The following UPF2 variants were observed in gnomAD, a reference collection of about 807,000 sequenced individuals.
UPF2 encodes the protein regulator of nonsense transcripts 2.
In UPF2, 17 loss-of-function variants were observed where a neutral mutation model predicts 141.4. The ratio of observed to expected loss-of-function variants is 0.12; its 90% CI spans 0.08 to 0.18. The LOEUF (loss-of-function observed/expected upper bound fraction) is 0.18. Ranked by LOEUF, UPF2 falls within the 10% of genes least tolerant of loss-of-function variation. The probability of loss-of-function intolerance (pLI) is 1.00; values close to 1 mark genes in which losing one functional copy is unlikely to be tolerated. For synonymous variants in UPF2, 540 were observed against 498.0 expected (o/e 1.08, Z -1.12); for missense variants, 1,152 against 1,515.9 (o/e 0.76, Z 3.99).
At chr10:11,967,283 T>C in intron 10 of UPF2, 58 bp downstream of exon 10, 1 of 1,007,982 alleles carries the variant, frequency 9.9e-7, no homozygotes, top group Non-Finnish European at 1.4e-6. Context: ...TTATCCACCA[T>C]TTATAATTAA....
rs1039341113 is a variant in UPF2 at position 12,016,163 on chromosome 10, T to A, written c.1146-1979A>T. On this transcript the variant is annotated intron_variant, in intron 3 of 21. Transcript: ENST00000357604. The surrounding 1 kb of genome is among the most constrained non-coding windows in gnomAD (Gnocchi z 4.1). ...AGCACTCTGAGCTTGTTAAAACTTT[T>A]AATCAGAAGTTCTAATAGAACTCAT... 1.3e-5 allele frequency among the ~76,000 whole-genome samples: 2 copies of A among 152,158 alleles called. No individual in the cohort carries two copies. The highest frequency in any genetic ancestry group is 2.9e-5 in the Non-Finnish European group (2 of 68,022).
intron 8 of UPF2, among the ~76,000 whole-genome samples, chr10:11,989,887 C>T (rs1348561492): frequency 1.3e-5 from 2 of 152,090 alleles, no homozygotes; most frequent in African/African-American, 4.8e-5. Flanking sequence ...CTAGGGAGCC[C>T]ACCAAACCCA....
At chr10:12,035,536 G>A in intron 1 of UPF2, 95 bp from the exon 2 acceptor site, 1 of 1,323,234 alleles carries the variant, frequency 7.6e-7, no homozygotes, top group Non-Finnish European at 9.9e-7. Context: ...AATGCAACTT[G>A]GCAATTGTAA....
At chr10:12,023,913 G>A (rs2131299930) in intron 3 of UPF2, among the ~76,000 whole-genome samples, 1 of 148,946 alleles carries the variant, frequency 6.7e-6, no homozygotes, top group Admixed American at 6.7e-5. Context: ...TGCTTGAGCT[G>A]GGAGGTGGAG....
At chr10:12,007,843 A>G (rs1373752507) in intron 4 of UPF2, among the ~76,000 whole-genome samples, 2 of 130,034 alleles carry the variant, frequency 1.5e-5, no homozygotes, top group African/African-American at 5.3e-5. Flanking sequence ...AGTAATAATA[A>G]TAATAATAAT....
rs1411582692 is a variant in UPF2 at position 12,042,285 on chromosome 10, C to A, written c.-19+470G>T. On this transcript the variant is annotated intron_variant, in intron 1 of 21. Coordinates refer to ENST00000357604, the MANE Select transcript of UPF2 (RefSeq NM_015542.4). The surrounding 1 kb of genome is among the most constrained non-coding windows in gnomAD (Gnocchi z 5.5). ...CTGCCCCAACCCCAACTTCTCGCCC[C>A]ACACTCCCTCGCCACAGAAGCCTTC... Among the ~76,000 whole-genome samples, 3 of 152,062 alleles carry A rather than the reference C, an allele frequency of 2.0e-5. No individual in the cohort carries two copies. The highest frequency in any genetic ancestry group is 7.2e-5 in the African/African-American group (3 of 41,410).
chr10:11,961,989 T>C (rs1311931693), intron 11 of UPF2, among the ~76,000 whole-genome samples: 3 of 152,200 alleles, frequency 2.0e-5, no homozygotes, highest in Non-Finnish European at 2.9e-5. Flanking sequence ...GCCTGTTACA[T>C]ATTCAGTCTT....
At position 11,926,966 on chromosome 10, in the gene UPF2, C is replaced by T. The variant is rs142926616; in HGVS notation, c.3809+2899G>A. On this transcript the variant is annotated intron_variant, in intron 21 of 21. Coordinates refer to ENST00000357604, the MANE Select transcript of UPF2 (RefSeq NM_015542.4). Reference sequence around the variant, plus strand: ...GATGACAGCACACACATGCTCACGTCGATGACAGCACACACATGCTTACAT... The same window carrying T: ...GATGACAGCACACACATGCTCACGTTGATGACAGCACACACATGCTTACAT... Among the ~76,000 whole-genome samples the T allele has an allele frequency of 1.8e-3, 278 of 152,288 alleles. 1 individual carries two copies. Among genetic ancestry groups the T allele is most frequent in the African/African-American group, 6.1e-3 (255 of 41,558 alleles).
chr10:11,957,185 T>C (rs945260376), intron 12 of UPF2, among the ~76,000 whole-genome samples: 4 of 151,796 alleles, frequency 2.6e-5, no homozygotes, highest in African/African-American at 7.2e-5. Context: ...TCCCAGCACT[T>C]TGTGAGGCCA....
At chr10:11,924,977 A>G (rs977822661) in intron 21 of UPF2, among the ~76,000 whole-genome samples, 2 of 151,968 alleles carry the variant, frequency 1.3e-5, no homozygotes, top group African/African-American at 4.8e-5. Flanking sequence ...CGCCACCATG[A>G]CCGGCTAATT....
intron 10 of UPF2, among the ~76,000 whole-genome samples, chr10:11,966,461 G>A (rs1167580088): frequency 2.0e-5 from 3 of 151,716 alleles, no homozygotes; most frequent in Non-Finnish European, 4.4e-5. Flanking sequence ...TTTCACTCTT[G>A]TTACCCAGAC....
chr10:11,938,853 G>GGTTTTTTTTTTTTTT (rs1832889411), intron 18 of UPF2, among the ~76,000 whole-genome samples: 1 of 79,816 alleles, frequency 1.3e-5, no homozygotes, highest in Non-Finnish European at 2.3e-5. Context: ...TTTTTTTTTT[G>GGTTTTTTTTTTTTTT]TTTTTTTTTT....
At chr10:11,969,280 C>T (rs999163415) in intron 9 of UPF2, among the ~76,000 whole-genome samples, 1 of 149,324 alleles carries the variant, frequency 6.7e-6, no homozygotes, top group African/African-American at 2.5e-5. Flanking sequence ...AGTGATTCTC[C>T]TGCCTCAGCC....
chr10:11,970,937 C>G (rs1833406689), intron 9 of UPF2, among the ~76,000 whole-genome samples: 1 of 151,652 alleles, frequency 6.6e-6, no homozygotes, highest in Non-Finnish European at 1.5e-5. Context: ...GGATGCATAT[C>G]CTCTTCATCA....
chr10:11,922,767 A>G (rs1479147133), intron 21 of UPF2, among the ~76,000 whole-genome samples: 1 of 151,444 alleles, frequency 6.6e-6, no homozygotes, highest in Non-Finnish European at 1.5e-5. Context: ...AACCTTACAT[A>G]AAGATATATA....
chr10:11,975,970 A>AT (rs1347826239), intron 9 of UPF2, among the ~76,000 whole-genome samples: 3 of 152,056 alleles, frequency 2.0e-5, no homozygotes, highest in African/African-American at 7.2e-5. Flanking sequence ...TGGTACATAG[A>AT]TTTGTTTACT....
rs372804719 is a variant in UPF2, at chr10:11,939,082, G to A, written c.3379-2370C>T. On this transcript the variant is annotated intron_variant, in intron 18 of 21. Coordinates refer to ENST00000357604, the MANE Select transcript of UPF2 (RefSeq NM_015542.4). The surrounding 1 kb of genome is among the most constrained non-coding windows in gnomAD (Gnocchi z 4.8). ...AGACGGGGTTTCACCGTGTTAGCTA[G>A]GAGGGTCTCGATCTCCTGACCTCGT... Among the ~76,000 whole-genome samples the A allele has an allele frequency of 2.6e-5, 4 of 151,860 alleles. No homozygotes were observed. Among genetic ancestry groups the A allele is most frequent in the African/African-American group, 7.3e-5 (3 of 41,318 alleles).
intron 14 of UPF2, among the ~76,000 whole-genome samples, chr10:11,952,921 C>T (rs1244574190): frequency 6.6e-6 from 1 of 152,074 alleles, no homozygotes; most frequent in Non-Finnish European, 1.5e-5. Context: ...TCAAAGCCAT[C>T]GTTGTGATAA....
chr10:11,980,454 G>A lies in UPF2; in HGVS notation c.1845-1289C>T, dbSNP rs981555595. ...AATAATCATACGAGTCTTAATTATC[G>A]CTGAGTGGAGGCCGGGCACGGTGGC... On this transcript the variant is annotated intron_variant, in intron 8 of 21. Transcript: ENST00000357604. This position sits in a 1 kb window ranked among gnomAD's most constrained non-coding sequence, Gnocchi z 4.2. 2.0e-5 allele frequency among the ~76,000 whole-genome samples: 3 copies of A among 152,078 alleles called. No homozygotes were observed. Among genetic ancestry groups the A allele is most frequent in the Admixed American group, 6.6e-5 (1 of 15,264 alleles).
Sources: gnomAD v4.1 joint callset for allele counts (sites outside exome capture counted in the v4.1 genomes callset) on GRCh38, gnomAD v4.1.1 for gene constraint, Gnocchi (gnomAD v3.1) non-coding constraint, MANE v1.5 for transcripts, NCBI Gene and HGNC (gene_info 2026-07-23, HGNC 2026-07-21) for gene names.